The following CCNYL1 variants were observed in gnomAD, a reference collection of about 807,000 sequenced individuals.
CCNYL1 encodes the protein cyclin Y like 1.
CCNYL1 carries 16 observed loss-of-function variants against 44.2 expected under a neutral mutation model. The observed-to-expected ratio is 0.36, with a 90% CI of 0.25 to 0.55. The LOEUF is 0.55. Among genes scored for constraint, CCNYL1 ranks in the 20% least tolerant of loss-of-function variants. The pLI, the probability that CCNYL1 is intolerant of heterozygous loss-of-function variation, is 0.85. For missense variants in CCNYL1, 348 were observed against 451.8 expected (o/e 0.77, Z 2.08); for synonymous variants, 159 against 163.2 (o/e 0.97, Z 0.20).
At chr2:207,751,908 G>C (rs1054458023) in intron 9 of CCNYL1, among the ~76,000 whole-genome samples, 72 of 151,660 alleles carry the variant, frequency 4.7e-4, no homozygotes, top group African/African-American at 1.7e-3. Context: ...GGGGGTGCAT[G>C]CCTGTAATCC....
At chr2:207,742,777 T>C (rs530086912) in intron 7 of CCNYL1, among the ~76,000 whole-genome samples, 39 of 152,212 alleles carry the variant, frequency 2.6e-4, no homozygotes, top group Non-Finnish European at 4.4e-4. Context: ...TTGAGAACTA[T>C]TGCCCTAAAT....
At chr2:207,744,952 C>T (rs1188308782) in intron 7 of CCNYL1, among the ~76,000 whole-genome samples, 6 of 152,058 alleles carry the variant, frequency 3.9e-5, no homozygotes, top group African/African-American at 1.4e-4. Flanking sequence ...TTGGTCTCAG[C>T]AACTAGGTGA....
Position 207,742,676 on chromosome 2 carries a change from C to A in CCNYL1, c.639+334C>A, listed in dbSNP as rs371700957. ...GGGGTGATGGGGAGTGGTAACAAAA[C>A]CATGTGGTTCAGAGCCAGATACTGA... On this transcript the variant is annotated intron_variant, in intron 7 of 9. Transcript: ENST00000295414. Among the ~76,000 whole-genome samples, 6 of 152,124 alleles carry A rather than the reference C, an allele frequency of 3.9e-5. 1 individual carries two copies. The South Asian group carries it at 6.2e-4, about 16-fold the overall frequency.
intron 3 of CCNYL1, among the ~76,000 whole-genome samples, chr2:207,733,203 C>T (rs1210239225): frequency 6.6e-6 from 1 of 152,170 alleles, no homozygotes; most frequent in Non-Finnish European, 1.5e-5. Flanking sequence ...AGGCAAGTGC[C>T]ATGATGCCTG....
intron 9 of CCNYL1, among the ~76,000 whole-genome samples, chr2:207,752,811 C>T (rs979259595): frequency 1.3e-5 from 2 of 151,592 alleles, no homozygotes; most frequent in Non-Finnish European, 2.9e-5. Flanking sequence ...CCGAGGCAGG[C>T]GGGATCACCT....
chr2:207,737,257 AAAAC>A (rs1265236759), intron 4 of CCNYL1, among the ~76,000 whole-genome samples, 150 bp from the exon 5 acceptor site: 10 of 152,308 alleles, frequency 6.6e-5, no homozygotes, highest in African/African-American at 1.9e-4. Flanking sequence ...GAAAGGAACT[AAAAC>A]AAGGGGAAAG....
In CCNYL1 at chr2:207,714,010, A is replaced by G. The variant is rs554790254; in HGVS notation, c.220+1894A>G. On this transcript the variant is annotated intron_variant, in intron 1 of 9. Coordinates refer to ENST00000295414, the MANE Select transcript of CCNYL1 (RefSeq NM_001330218.2). ...CATGAAAATACATACTTTCATGTAC[A>G]TGTAATTTAGCCCTTCCAAAATAAG... Among the ~76,000 whole-genome samples, 10 of 152,300 alleles carry G rather than the reference A, an allele frequency of 6.6e-5. No individual in the cohort carries two copies. The South Asian group carries it at 1.9e-3, about 28-fold the overall frequency.
intron 1 of CCNYL1, chr2:207,714,650 C>T (rs1389583720): frequency 5.6e-6 from 1 of 178,198 alleles, no homozygotes. Flanking sequence ...AGGTAAGGTA[C>T]CAGGCATTAA....
chr2:207,724,632 T>C (rs2091666152), intron 1 of CCNYL1, among the ~76,000 whole-genome samples, 168 bp from the exon 2 acceptor site: 1 of 152,238 alleles, frequency 6.6e-6, no homozygotes, highest in South Asian at 2.1e-4. Context: ...GATTCTACAA[T>C]TTTGCATTCC....
chr2:207,741,572 C>G (rs2091810138), intron 6 of CCNYL1, among the ~76,000 whole-genome samples: 1 of 152,204 alleles, frequency 6.6e-6, no homozygotes, highest in Non-Finnish European at 1.5e-5. Flanking sequence ...GCCAGCTGGG[C>G]ATGGTGGCTC....
At chr2:207,722,409 C>A (rs992948732) in intron 1 of CCNYL1, among the ~76,000 whole-genome samples, 1 of 151,848 alleles carries the variant, frequency 6.6e-6, no homozygotes, top group African/African-American at 2.4e-5. Context: ...AGTAGCACAT[C>A]TTGGTTTTCT....
At chr2:207,740,294 A>G (rs1180924774) in intron 5 of CCNYL1, among the ~76,000 whole-genome samples, 1 of 152,234 alleles carries the variant, frequency 6.6e-6, no homozygotes, top group East Asian at 1.9e-4. Flanking sequence ...TTAAAGTTCT[A>G]AAGAGTTTAT....
At chr2:207,724,721 A>T (rs1392580996) in intron 1 of CCNYL1, 79 bp from the exon 2 acceptor site, 2 of 1,001,718 alleles carry the variant, frequency 2.0e-6, no homozygotes, top group Non-Finnish European at 3.1e-6. Context: ...AAAAGTGATT[A>T]AAATGGATGT....
chr2:207,725,194 T>G (rs1308551625), intron 2 of CCNYL1, among the ~76,000 whole-genome samples: 4 of 149,506 alleles, frequency 2.7e-5, no homozygotes, highest in Non-Finnish European at 5.9e-5. Flanking sequence ...TGATGTGGCC[T>G]CAGCTCACTG....
chr2:207,719,302 CTTT>C (rs11412847), intron 1 of CCNYL1, among the ~76,000 whole-genome samples: 3 of 133,046 alleles, frequency 2.3e-5, no homozygotes, highest in African/African-American at 2.8e-5. Flanking sequence ...ATAGCAATTG[CTTT>C]TTTTTTTTTT....
intron 1 of CCNYL1, chr2:207,714,367 G>C (rs1290910553): frequency 2.4e-6 from 1 of 411,592 alleles, no homozygotes; most frequent in Admixed American, 3.0e-5. Flanking sequence ...GTGTTGACCA[G>C]GCTGGCCTCG....
At chr2:207,712,225 C>G (rs962502401) in intron 1 of CCNYL1, 109 bp downstream of exon 1, 10 of 892,648 alleles carry the variant, frequency 1.1e-5, no homozygotes, top group Non-Finnish European at 1.5e-5. Context: ...TGCCGGTAGC[C>G]GGCCCCGGGA....
At chr2:207,712,900 C>T (rs2091562612) in intron 1 of CCNYL1, among the ~76,000 whole-genome samples, 1 of 152,206 alleles carries the variant, frequency 6.6e-6, no homozygotes, top group African/African-American at 2.4e-5. Context: ...GCTGCAACCT[C>T]CGCCTCTCGG....
At chr2:207,749,947 T>C (rs990767589) in intron 8 of CCNYL1, among the ~76,000 whole-genome samples, 1 of 152,238 alleles carries the variant, frequency 6.6e-6, no homozygotes, top group Non-Finnish European at 1.5e-5. Flanking sequence ...TACAGTTAAC[T>C]CCTTATAGGG....
Sources: allele counts gnomAD v4.1 joint callset (sites outside exome capture counted in the v4.1 genomes callset), GRCh38; gene constraint gnomAD v4.1.1; transcripts MANE v1.5; gene names NCBI Gene and HGNC (gene_info 2026-07-23, HGNC 2026-07-21).